SH3PXD2B: variants seen among roughly 807,000 people sequenced by gnomAD.
SH3PXD2B encodes SH3 and PX domain-containing protein 2B.
In SH3PXD2B, 37 loss-of-function variants were observed where a neutral mutation model predicts 73.1. The observed-to-expected ratio is 0.51, with a 90% CI of 0.39 to 0.67. The LOEUF (loss-of-function observed/expected upper bound fraction) is 0.67, where lower values mean the gene tolerates loss of function less well. SH3PXD2B is among the 30% of genes least tolerant of loss of function. The pLI, the probability that SH3PXD2B is intolerant of heterozygous loss-of-function variation, is 0.00. For missense variants in SH3PXD2B, 1,053 were observed against 1,197.8 expected, an observed-to-expected ratio of 0.88 and a Z score of 1.78; for synonymous variants, 457 against 480.5, an observed-to-expected ratio of 0.95 and a Z score of 0.64.
At chr5:172,451,750 C>T (rs1455302860) in intron 1 of SH3PXD2B, among the ~76,000 whole-genome samples, 5 of 152,210 alleles carry the variant, frequency 3.3e-5, no homozygotes, top group Admixed American at 3.3e-4. Flanking sequence ...CCTTCATGCC[C>T]GCTCTTTCCA....
At chr5:172,395,805 C>T (rs997823055) in intron 3 of SH3PXD2B, among the ~76,000 whole-genome samples, 1 of 152,008 alleles carries the variant, frequency 6.6e-6, no homozygotes, top group African/African-American at 2.4e-5. Context: ...CAAGCTCGTG[C>T]AGAGCAACCG....
At chr5:172,398,087 C>T (rs1375772318) in intron 3 of SH3PXD2B, among the ~76,000 whole-genome samples, 1 of 152,192 alleles carries the variant, frequency 6.6e-6, no homozygotes, top group Non-Finnish European at 1.5e-5. Flanking sequence ...AATGTGGAAC[C>T]TTCTCCTTCC....
chr5:172,418,447 T>C (rs1399332266), intron 2 of SH3PXD2B, among the ~76,000 whole-genome samples: 1 of 152,232 alleles, frequency 6.6e-6, no homozygotes, highest in Non-Finnish European at 1.5e-5. Flanking sequence ...TACGCCACAC[T>C]GGCCTTGCTG....
chr5:172,355,837 C>T (rs1013817763), intron 8 of SH3PXD2B, among the ~76,000 whole-genome samples: 4 of 152,124 alleles, frequency 2.6e-5, no homozygotes, highest in African/African-American at 9.7e-5. Context: ...AGCCAGCGCG[C>T]CCAGCCATGG....
rs147983464 is a variant in SH3PXD2B, at chr5:172,393,426, T to C, written c.309+1137A>G. Among the ~76,000 whole-genome samples the C allele has an allele frequency of 4.6e-3, 699 of 152,354 alleles. 3 individuals are homozygous for C. The highest frequency in any genetic ancestry group is 0.025 in the South Asian group (120 of 4,830). Reference sequence around the variant, plus strand: ...TTTTATCCTGATTTTACTAAACTCATTGATTTGTCCTAATATTTTTTTGAT... The same window carrying C: ...TTTTATCCTGATTTTACTAAACTCACTGATTTGTCCTAATATTTTTTTGAT... On this transcript the variant is annotated intron_variant, in intron 4 of 12. Transcript: ENST00000311601.
At chr5:172,344,989 G>C (rs1298235117) in intron 12 of SH3PXD2B, among the ~76,000 whole-genome samples, 1 of 149,746 alleles carries the variant, frequency 6.7e-6, no homozygotes, top group East Asian at 1.9e-4. Flanking sequence ...GAAAGAAGGA[G>C]GAAGGAGGGA....
intron 1 of SH3PXD2B, among the ~76,000 whole-genome samples, chr5:172,452,028 G>A (rs1354365858): frequency 6.6e-6 from 1 of 152,214 alleles, no homozygotes; most frequent in African/African-American, 2.4e-5. Context: ...CCTACCATGT[G>A]ACTTTGGCAT....
At chr5:172,340,780 A>AG (rs1482674583) in intron 12 of SH3PXD2B, among the ~76,000 whole-genome samples, 2 of 152,288 alleles carry the variant, frequency 1.3e-5, no homozygotes, top group East Asian at 3.9e-4. Flanking sequence ...TTTTTAGTAG[A>AG]GATGGGGTTT....
rs147625720 is a variant in SH3PXD2B at position 172,409,807 on chromosome 5, C to T, written c.157-3455G>A. ...CTTGGCTCACTGCAGCCTCCGCCTC[C>T]TGGGTTCAAGCGATTCTCCTGCCTC... On this transcript the variant is annotated intron_variant, in intron 2 of 12. Coordinates refer to ENST00000311601, the MANE Select transcript of SH3PXD2B (RefSeq NM_001017995.3). Among the ~76,000 whole-genome samples, 1,194 of 152,316 alleles carry T rather than the reference C, an allele frequency of 7.8e-3. 18 individuals are homozygous for T. Among genetic ancestry groups the T allele is most frequent in the African/African-American group, 0.027 (1,135 of 41,548 alleles).
chr5:172,335,495 T>G lies in SH3PXD2B; in HGVS notation c.*2874A>C. ...CAGCTTGGCCACTATTTGGACCTTC[T>G]CCCTCTGAACCTTAATTTTCTCACT... On this transcript the variant is annotated 3_prime_UTR_variant, in exon 13 of 13. Transcript: ENST00000311601. The G allele has an allele frequency of 8.1e-7, 1 of 1,231,476 alleles. No homozygotes were observed. Among genetic ancestry groups the G allele is most frequent in the Non-Finnish European group, 1.0e-6 (1 of 987,898 alleles). 76.3% of individuals were successfully genotyped at this position (1,231,476 alleles called of 1,614,324 possible).
intron 1 of SH3PXD2B, among the ~76,000 whole-genome samples, chr5:172,441,965 CT>C (rs544944800): frequency 1.9e-4 from 29 of 152,310 alleles, no homozygotes; most frequent in African/African-American, 7.0e-4. Context: ...ATCCCTGCCC[CT>C]GTCCCTATGT....
At chr5:172,379,995 TAA>T (rs1757908554) in intron 5 of SH3PXD2B, among the ~76,000 whole-genome samples, 1 of 152,216 alleles carries the variant, frequency 6.6e-6, no homozygotes, top group Non-Finnish European at 1.5e-5. Context: ...ATCATTTTGT[TAA>T]AAGTCCCTTT....
At chr5:172,378,332 G>A (rs571853890) in intron 5 of SH3PXD2B, among the ~76,000 whole-genome samples, 121 of 152,344 alleles carry the variant, frequency 7.9e-4, no homozygotes, top group African/African-American at 2.8e-3. Context: ...GGCCGCCAGC[G>A]CGGGGCTTCT....
At chr5:172,443,558 AG>A (rs2113510501) in intron 1 of SH3PXD2B, among the ~76,000 whole-genome samples, 1 of 152,358 alleles carries the variant, frequency 6.6e-6, no homozygotes, top group East Asian at 1.9e-4. Context: ...CATTCTGAAC[AG>A]ATGGTGACCT....
intron 1 of SH3PXD2B, among the ~76,000 whole-genome samples, chr5:172,422,973 C>T (rs1408919618): frequency 6.6e-6 from 1 of 152,166 alleles, no homozygotes; most frequent in Non-Finnish European, 1.5e-5. Flanking sequence ...TTCCCCGAGT[C>T]CCAGTTTCTC....
chr5:172,394,100 C>T (rs1250689949), intron 4 of SH3PXD2B, among the ~76,000 whole-genome samples: 1 of 152,052 alleles, frequency 6.6e-6, no homozygotes, highest in Non-Finnish European at 1.5e-5. Flanking sequence ...TGTCCCACCA[C>T]ACCTGGCTAA....
At chr5:172,412,828 C>T (rs1018661278) in intron 2 of SH3PXD2B, among the ~76,000 whole-genome samples, 3 of 152,130 alleles carry the variant, frequency 2.0e-5, no homozygotes, top group South Asian at 2.1e-4. Flanking sequence ...CCCCAGATAA[C>T]AAAAGAAGTG....
intron 3 of SH3PXD2B, among the ~76,000 whole-genome samples, chr5:172,404,024 C>T (rs910694133): frequency 3.9e-5 from 6 of 152,282 alleles, no homozygotes; most frequent in South Asian, 2.1e-4. Flanking sequence ...ATTTGGCTGC[C>T]GCAGCTGGCC....
intron 1 of SH3PXD2B, among the ~76,000 whole-genome samples, chr5:172,442,000 C>T (rs1759560781): frequency 2.0e-5 from 3 of 152,130 alleles, no homozygotes; most frequent in Admixed American, 2.0e-4. Context: ...ACTTCTTTGC[C>T]ATCCTACACT....
Sources: gnomAD v4.1 joint callset for allele counts (sites outside exome capture counted in the v4.1 genomes callset) on GRCh38, gnomAD v4.1.1 for gene constraint, MANE v1.5 for transcripts, NCBI Gene and HGNC (gene_info 2026-07-23, HGNC 2026-07-21) for gene names.